CLIP2: variants seen among roughly 807,000 people sequenced by gnomAD.
CLIP2 encodes CAP-Gly domain-containing linker protein 2.
Under a neutral mutation model 111.7 loss-of-function variants are expected in CLIP2, and 41 were observed. The observed-to-expected ratio is 0.37, with a 90% CI of 0.29 to 0.48. The LOEUF (loss-of-function observed/expected upper bound fraction) is 0.48. CLIP2 is among the 20% of genes least tolerant of loss of function. The pLI is 0.99. For missense variants in CLIP2, 1,160 were observed against 1,422.1 expected (o/e 0.82, Z 2.96); for synonymous variants, 660 against 644.2 (o/e 1.02, Z -0.37).
intron 13 of CLIP2, among the ~76,000 whole-genome samples, chr7:74,390,158 GAAAGAAGAAAGAAAGA>G (rs1479310717): frequency 2.4e-5 from 1 of 41,892 alleles, no homozygotes; most frequent in African/African-American, 1.2e-4. Context: ...GAAAAAGAAA[GAAAGAAGAAAGAAAGA>G]AAGAAAGAAA....
At chr7:74,398,094 C>T (rs1791511913) in intron 14 of CLIP2, among the ~76,000 whole-genome samples, 1 of 151,504 alleles carries the variant, frequency 6.6e-6, no homozygotes, top group African/African-American at 2.4e-5. Flanking sequence ...CGCAATGGCT[C>T]ACACCTGTAA....
rs181479924 is a variant in CLIP2 at position 74,330,291 on chromosome 7, C to T, written c.122-8157C>T. 4.0e-5 allele frequency among the ~76,000 whole-genome samples: 6 copies of T among 149,794 alleles called. No individual in the cohort carries two copies. In the East Asian group the frequency reaches 1.2e-3, roughly 29 times the overall value. The stretch of plus-strand genomic sequence containing the variant: ...TCTTTTTTGAGATGGAGTCTCGCTC[C>T]CGTCACCCAGGCTGAAGTGCAGTGG... On this transcript the variant is annotated intron_variant, in intron 2 of 16. Transcript: ENST00000223398.
In CLIP2 at chr7:74,385,737, CTTT is replaced by C. The variant is rs869087670; in HGVS notation, c.2480-764_2480-762del. ...CTAAGACCACATAGTGTCGGGTCTT[CTTT>C]TTTTTTTTTTTTTTTTTTTGAGACA... is the stretch of plus-strand genomic sequence containing the variant. On this transcript the variant is annotated intron_variant, in intron 11 of 16. Transcript: ENST00000223398. 1.8e-3 allele frequency among the ~76,000 whole-genome samples: 206 copies of C among 117,680 alleles called. 2 individuals carry two copies. In the East Asian group the frequency reaches 0.039, roughly 23 times the overall value. The allele number at this position is 117,680 out of a possible 152,430, so 77.2% of individuals were successfully genotyped here. A position where few individuals can be genotyped will look rare whatever the true frequency, so the allele number is the denominator to read the frequency against.
intron 13 of CLIP2, among the ~76,000 whole-genome samples, chr7:74,393,230 G>A (rs1368509700): frequency 6.6e-6 from 1 of 151,542 alleles, no homozygotes; most frequent in East Asian, 1.9e-4. Context: ...GTTTCACTGT[G>A]TTGGCCAGGC....
chr7:74,392,680 A>G (rs1231305990), intron 13 of CLIP2, among the ~76,000 whole-genome samples: 1 of 152,010 alleles, frequency 6.6e-6, no homozygotes, highest in African/African-American at 2.4e-5. Flanking sequence ...TACAAAAATT[A>G]TCCAGGTATG....
At chr7:74,312,463 G>A (rs1788665898) in intron 1 of CLIP2, among the ~76,000 whole-genome samples, 2 of 152,076 alleles carry the variant, frequency 1.3e-5, no homozygotes, top group Admixed American at 1.3e-4. Context: ...ACGGGAGCAG[G>A]AGGCTCATTT....
chr7:74,400,199 C>T (rs1420408622), intron 14 of CLIP2, among the ~76,000 whole-genome samples, 171 bp from the exon 15 acceptor site: 1 of 151,614 alleles, frequency 6.6e-6, no homozygotes, highest in Non-Finnish European at 1.5e-5. Flanking sequence ...CTGGGTTCCC[C>T]ACTTGGAGAC....
Position 74,352,453 on chromosome 7 carries a change from C to CA in CLIP2, c.679-1419dup, listed in dbSNP as rs559171930. Among the ~76,000 whole-genome samples the CA allele has an allele frequency of 4.4e-4, 65 of 148,784 alleles. 1 individual carries two copies. Among genetic ancestry groups the CA allele is most frequent in the Admixed American group, 2.1e-3 (31 of 14,942 alleles). On this transcript the variant is annotated intron_variant, in intron 3 of 16. Transcript: ENST00000223398. ...CTCTGTCTTAAAACAAAAACAAAAA[C>CA]AAAAAAAACACTAGGCAGACAATCA... is the stretch of plus-strand genomic sequence containing the variant.
intron 1 of CLIP2, among the ~76,000 whole-genome samples, chr7:74,298,588 CGT>C (rs1788237670): frequency 6.8e-5 from 1 of 14,774 alleles, no homozygotes; most frequent in Non-Finnish European, 2.8e-4. Flanking sequence ...AGTGCAGTGG[CGT>C]GGCGTGATCT....
intron 2 of CLIP2, among the ~76,000 whole-genome samples, chr7:74,329,086 G>GT (rs1564042298): frequency 1.3e-4 from 15 of 111,820 alleles, no homozygotes; most frequent in South Asian, 3.1e-4. Context: ...TTTTTTTTTT[G>GT]GTTTTTTTTT....
chr7:74,380,955 A>G (rs1298718273), intron 11 of CLIP2, 92 bp downstream of exon 11: 4 of 1,273,162 alleles, frequency 3.1e-6, no homozygotes, highest in Admixed American at 1.7e-5. Context: ...GGTTTGCATC[A>G]TCTGCCATTT....
chr7:74,398,349 A>C (rs1293834533), intron 14 of CLIP2, among the ~76,000 whole-genome samples: 3 of 151,626 alleles, frequency 2.0e-5, no homozygotes, highest in Non-Finnish European at 2.9e-5. Context: ...ACAGAGTGAG[A>C]CTTTGTCTCA....
At chr7:74,328,221 C>T (rs572907229) in intron 2 of CLIP2, among the ~76,000 whole-genome samples, 6 of 152,188 alleles carry the variant, frequency 3.9e-5, no homozygotes, top group African/African-American at 7.2e-5. Context: ...GGACCCAATG[C>T]GGGGACTGCC....
Position 74,311,081 on chromosome 7 carries a change from G to A in CLIP2, c.-67-6399G>A, listed in dbSNP as rs553290660. Among the ~76,000 whole-genome samples, 721 of 151,548 alleles carry A rather than the reference G, an allele frequency of 4.8e-3. 1 individual carries two copies. Among genetic ancestry groups the A allele is most frequent in the Non-Finnish European group, 6.7e-3 (455 of 67,946 alleles). On this transcript the variant is annotated intron_variant, in intron 1 of 16. Coordinates refer to ENST00000223398, the MANE Select transcript of CLIP2 (RefSeq NM_003388.5). ...TGCAAGCTCTGCCCCCTGGGTTCAC[G>A]CCATTCTCCTGCCTCAGCCTCCCGA...
intron 13 of CLIP2, 135 bp from the exon 14 acceptor site, chr7:74,396,939 G>A (rs1031555794): frequency 9.4e-5 from 106 of 1,129,860 alleles, no homozygotes; most frequent in Non-Finnish European, 1.1e-4. Flanking sequence ...GTGGCCCCTC[G>A]TGGCACAGAT....
chr7:74,320,769 G>A (rs1246082479), intron 2 of CLIP2, among the ~76,000 whole-genome samples: 1 of 152,134 alleles, frequency 6.6e-6, no homozygotes, highest in Admixed American at 6.6e-5. Flanking sequence ...TGGGGGCAGG[G>A]CAGTGGGTGG....
intron 3 of CLIP2, among the ~76,000 whole-genome samples, chr7:74,349,962 G>A (rs188179824): frequency 3.3e-4 from 50 of 152,100 alleles, no homozygotes; most frequent in Admixed American, 1.1e-3. Context: ...AATCTGTAGC[G>A]ATAGGATAGA....
intron 8 of CLIP2, among the ~76,000 whole-genome samples, chr7:74,366,155 CCT>C (rs1323152437): frequency 6.6e-6 from 1 of 152,090 alleles, no homozygotes; most frequent in African/African-American, 2.4e-5. Context: ...TATCACCCCA[CCT>C]CTCTGCCTGT....
rs536162344 is a variant in CLIP2 at position 74,375,948 on chromosome 7, G to A, written c.1547G>A (p.Arg516Gln). 1.0e-5 allele frequency: 16 copies of A among 1,604,520 alleles called. No individual in the cohort carries two copies. The highest frequency in any genetic ancestry group is 6.8e-5 in the Admixed American group (4 of 58,550). The stretch of plus-strand genomic sequence containing the variant: ...CTGGAGGAGGAGCTCACCCTGCGCC[G>A]AGGTGAAATCGAGGAGCTCCAGCAG... ...LQLEEELTLR[R>Q]GEIEELQQCL... The change falls in exon 10 of 17, where the codon CGA becomes CAA. Residue 516 changes from arginine (R) to glutamine (Q), a missense_variant. By Grantham distance (43) the Arg-to-Gln change is conservative. Around this residue, in one of 5 missense-constraint regions of CLIP2, gnomAD observed 676 missense variants for 777.8 expected, o/e 0.87. Coordinates refer to ENST00000223398, the MANE Select transcript of CLIP2 (RefSeq NM_003388.5).
Sources: gnomAD v4.1 joint callset for allele counts (sites outside exome capture counted in the v4.1 genomes callset) on GRCh38, gnomAD v4.1.1 for gene constraint, gnomAD v4.1.1 regional missense constraint, MANE v1.5 for transcripts, NCBI Gene and HGNC (gene_info 2026-07-23, HGNC 2026-07-21) for gene names.